The following ADGRB3 variants were observed in gnomAD, a reference collection of about 807,000 sequenced individuals.
ADGRB3 encodes adhesion G protein-coupled receptor B3.
Under a neutral mutation model 193.4 loss-of-function variants are expected in ADGRB3, and 37 were observed. The ratio of observed to expected loss-of-function variants is 0.19; its 90% CI spans 0.15 to 0.25. The LOEUF (loss-of-function observed/expected upper bound fraction) is 0.25. Ranked by LOEUF, ADGRB3 falls within the 10% of genes least tolerant of loss-of-function variation. The probability of loss-of-function intolerance (pLI) is 1.00; values close to 1 mark genes in which losing one functional copy is unlikely to be tolerated. For missense variants in ADGRB3, 1,637 were observed against 1,852.9 expected, an observed-to-expected ratio of 0.88 and a Z score of 2.14; for synonymous variants, 690 against 644.2, an observed-to-expected ratio of 1.07 and a Z score of -1.08.
intron 13 of ADGRB3, among the ~76,000 whole-genome samples, chr6:69,032,775 A>G (rs1770750810): frequency 6.6e-6 from 1 of 152,206 alleles, no homozygotes; most frequent in Admixed American, 6.6e-5. Context: ...GCAAATAGGG[A>G]TGCCCTTTTG....
intron 13 of ADGRB3, among the ~76,000 whole-genome samples, chr6:69,027,169 T>C (rs988187844): frequency 1.3e-5 from 2 of 152,074 alleles, no homozygotes; most frequent in Non-Finnish European, 1.5e-5. Flanking sequence ...TCTTTATGTA[T>C]TTATTCTATA....
chr6:69,246,345 T>C (rs1310940440), intron 20 of ADGRB3, among the ~76,000 whole-genome samples: 1 of 152,230 alleles, frequency 6.6e-6, no homozygotes, highest in Non-Finnish European at 1.5e-5. Context: ...ATGACGTTTG[T>C]AAAATGATTT....
intron 3 of ADGRB3, among the ~76,000 whole-genome samples, chr6:68,703,290 T>C (rs1176016596): frequency 2.0e-5 from 3 of 152,168 alleles, no homozygotes; most frequent in Non-Finnish European, 4.4e-5. Context: ...TTTGCTTCCC[T>C]TAATTTGGTA....
chr6:68,639,528 C>T (rs1028855453), intron 3 of ADGRB3, 96 bp downstream of exon 3: 2 of 1,355,738 alleles, frequency 1.5e-6, no homozygotes, highest in African/African-American at 2.9e-5. Context: ...ATTATTTATC[C>T]TTTATTGTCA....
At chr6:68,960,937 A>G (rs932719665) in intron 8 of ADGRB3, among the ~76,000 whole-genome samples, 5 of 152,222 alleles carry the variant, frequency 3.3e-5, no homozygotes, top group Non-Finnish European at 7.3e-5. Context: ...AATAATGATA[A>G]GGTGATAAAA....
chr6:69,042,684 A>G (rs570126779), intron 13 of ADGRB3, among the ~76,000 whole-genome samples: 79 of 152,296 alleles, frequency 5.2e-4, no homozygotes, highest in South Asian at 1.9e-3. Flanking sequence ...CAGAATTTCA[A>G]AACAGTACAG....
At chr6:68,752,687 C>G (rs1199504876) in intron 3 of ADGRB3, among the ~76,000 whole-genome samples, 1 of 152,186 alleles carries the variant, frequency 6.6e-6, no homozygotes, top group Non-Finnish European at 1.5e-5. Context: ...TTGATGTACA[C>G]TCTTGAGTGT....
intron 3 of ADGRB3, among the ~76,000 whole-genome samples, chr6:68,884,232 G>A (rs1765834898): frequency 6.6e-6 from 1 of 152,150 alleles, no homozygotes; most frequent in Non-Finnish European, 1.5e-5. Context: ...CTTCGTTCAT[G>A]TAAGGCACAG....
chr6:69,340,472 G>A (rs894615952), intron 26 of ADGRB3, among the ~76,000 whole-genome samples: 11 of 152,070 alleles, frequency 7.2e-5, no homozygotes, highest in African/African-American at 2.7e-4. Context: ...TAGCTTGTTT[G>A]AGAACTTTAT....
chr6:69,130,026 T>G (rs1582483788), intron 17 of ADGRB3, among the ~76,000 whole-genome samples: 2 of 152,178 alleles, frequency 1.3e-5, no homozygotes, highest in East Asian at 3.9e-4. Flanking sequence ...TAACAAAATA[T>G]TATAAACTGG....
At chr6:68,770,578 T>C (rs928244795) in intron 3 of ADGRB3, among the ~76,000 whole-genome samples, 2 of 152,194 alleles carry the variant, frequency 1.3e-5, no homozygotes, top group Non-Finnish European at 2.9e-5. Flanking sequence ...ACTTATACTC[T>C]GTTCTTTCTA....
chr6:68,638,618 G>T, intron 2 of ADGRB3, 43 bp from the exon 3 acceptor site: 1 of 1,525,074 alleles, frequency 6.6e-7, no homozygotes, highest in Non-Finnish European at 8.8e-7. Context: ...CTCAATGCAC[G>T]TAGACTCCTA....
chr6:69,105,002 C>A (rs533760798), intron 17 of ADGRB3, among the ~76,000 whole-genome samples: 89 of 152,190 alleles, frequency 5.8e-4, no homozygotes, highest in African/African-American at 2.0e-3. Context: ...TAGTTTATAG[C>A]AAATGACTTA....
chr6:68,728,459 G>A (rs929289007), intron 3 of ADGRB3, among the ~76,000 whole-genome samples: 3 of 151,166 alleles, frequency 2.0e-5, no homozygotes, highest in Non-Finnish European at 4.4e-5. Flanking sequence ...AGCTACTGGA[G>A]TTTCCAGACC....
chr6:69,004,445 G>C (rs1769681343), intron 11 of ADGRB3, among the ~76,000 whole-genome samples: 1 of 151,128 alleles, frequency 6.6e-6, no homozygotes, highest in African/African-American at 2.4e-5. Flanking sequence ...TTAAGTTCTA[G>C]GGTACATGTG....
intron 3 of ADGRB3, among the ~76,000 whole-genome samples, chr6:68,666,623 C>A (rs1388153166): frequency 6.6e-6 from 1 of 151,176 alleles, no homozygotes; most frequent in Non-Finnish European, 1.5e-5. Context: ...AAATTTTATT[C>A]TTAATTTCTC....
chr6:68,734,173 T>C (rs1379293045), intron 3 of ADGRB3, among the ~76,000 whole-genome samples: 2 of 151,796 alleles, frequency 1.3e-5, no homozygotes, highest in African/African-American at 4.8e-5. Context: ...CTTATAGAAA[T>C]ATTTTCATAC....
intron 6 of ADGRB3, among the ~76,000 whole-genome samples, chr6:68,948,510 TA>T (rs1767832780): frequency 1.3e-5 from 2 of 152,162 alleles, no homozygotes; most frequent in African/African-American, 4.8e-5. Flanking sequence ...ATAAAATTTA[TA>T]TAACCATTTC....
chr6:68,883,053 C>T (rs755130661), intron 3 of ADGRB3, among the ~76,000 whole-genome samples: 19 of 152,174 alleles, frequency 1.2e-4, no homozygotes, highest in Non-Finnish European at 2.6e-4. Flanking sequence ...GCCACAATTA[C>T]CAGCTAATTT....
Sources: gnomAD v4.1 joint callset for allele counts (sites outside exome capture counted in the v4.1 genomes callset) on GRCh38, gnomAD v4.1.1 for gene constraint, MANE v1.5 for transcripts, NCBI Gene and HGNC (gene_info 2026-07-23, HGNC 2026-07-21) for gene names.